SLC41A3: variants seen among roughly 807,000 people sequenced by gnomAD.
SLC41A3 encodes the protein SLC41A1-like 2.
Under a neutral mutation model 45.4 loss-of-function variants are expected in SLC41A3, and 44 were observed. That is an observed-to-expected ratio of 0.97 (90% CI 0.76 to 1.25). The LOEUF (loss-of-function observed/expected upper bound fraction) is 1.25, where lower values mean the gene tolerates loss of function less well. SLC41A3 is among the 50% of genes most tolerant of loss of function. The pLI, the probability that SLC41A3 is intolerant of heterozygous loss-of-function variation, is 0.00. For missense variants in SLC41A3, 550 were observed against 600.6 expected, an observed-to-expected ratio of 0.92 and a Z score of 0.88; for synonymous variants, 256 against 252.4, an observed-to-expected ratio of 1.01 and a Z score of -0.13.
In SLC41A3 at chr3:126,007,227, T is replaced by C; in HGVS notation, c.1255-2A>G. On this transcript the variant is annotated splice_acceptor_variant, in intron 10 of 10. Coordinates refer to ENST00000360370, the MANE Select transcript of SLC41A3 (RefSeq NM_017836.4). LOFTEE classifies it high-confidence loss of function. The stretch of plus-strand genomic sequence containing the variant: ...TGCGAGGTACAGCAGGATTGTCACC[T>C]GTCAGAAGGGCAAAGAGACACAAAA... 1 of 1,613,598 alleles carries C rather than the reference T, an allele frequency of 6.2e-7. No individual in the cohort carries two copies. The highest frequency in any genetic ancestry group is 1.7e-5 in the Admixed American group (1 of 59,960).
Position 126,026,482 on chromosome 3 carries a change from G to A in SLC41A3, c.454-3C>T. 1 of 1,599,922 alleles carries A rather than the reference G, an allele frequency of 6.3e-7. No individual in the cohort carries two copies. The highest frequency in any genetic ancestry group is 2.2e-5 in the East Asian group (1 of 44,500). On this transcript the variant is annotated splice_polypyrimidine_tract_variant and splice_region_variant and intron_variant, in intron 4 of 10. Transcript: ENST00000360370. This position sits in a 1 kb window ranked among gnomAD's most constrained non-coding sequence, Gnocchi z 4.2. ...AGCCCCACGACAGTGGCCTGCACCT[G>A]TTGGACAGAAATCAGAAGCATGAAG...
intron 9 of SLC41A3, among the ~76,000 whole-genome samples, chr3:126,011,648 T>C (rs1939724495): frequency 6.6e-6 from 1 of 152,022 alleles, no homozygotes; most frequent in Non-Finnish European, 1.5e-5. Flanking sequence ...ATAATCCAAC[T>C]CCTAGAAACT....
At chr3:126,090,807 C>T (rs972477609) in intron 1 of SLC41A3, among the ~76,000 whole-genome samples, 1 of 152,150 alleles carries the variant, frequency 6.6e-6, no homozygotes, top group Non-Finnish European at 1.5e-5. Flanking sequence ...AAGAGTGGGG[C>T]ATGTGAGATT....
intron 6 of SLC41A3, among the ~76,000 whole-genome samples, chr3:126,020,142 C>T (rs963423131): frequency 1.3e-5 from 2 of 152,164 alleles, no homozygotes; most frequent in Non-Finnish European, 2.9e-5. Context: ...GGAGCGGCAG[C>T]ATGAGCTGCA....
rs1944433816 is a variant in SLC41A3, at chr3:126,067,958, C to T, written c.262G>A (p.Asp88Asn). The change falls in exon 2 of 11, where the codon GAC becomes AAC. Residue 88 changes from aspartate to asparagine, a missense_variant. Asp to Asn is a conservative substitution (Grantham distance 23). Transcript: ENST00000360370. ...TAGTTCCCTCTTACCTGGAAATAGTCCAGAAGCATGCCGGCCCAGGACAGT... is the reference window on the plus strand; with the variant it reads ...TAGTTCCCTCTTACCTGGAAATAGTTCAGAAGCATGCCGGCCCAGGACAGT... ...LGLSWAGMLLDYFQHWPVFVE... is the reference protein window; with the variant it reads ...LGLSWAGMLLNYFQHWPVFVE... The T allele has an allele frequency of 6.2e-6, 10 of 1,604,002 alleles. No homozygotes were observed. The highest frequency in any genetic ancestry group is 3.3e-4 in the Middle Eastern group (2 of 5,994).
At chr3:126,066,819 G>C (rs949277641) in intron 2 of SLC41A3, among the ~76,000 whole-genome samples, 1 of 152,174 alleles carries the variant, frequency 6.6e-6, no homozygotes, top group Non-Finnish European at 1.5e-5. Context: ...TAAATAGCTT[G>C]TTTACTCATG....
intron 1 of SLC41A3, among the ~76,000 whole-genome samples, chr3:126,098,171 A>C (rs1469001095): frequency 6.6e-6 from 1 of 152,238 alleles, no homozygotes; most frequent in Non-Finnish European, 1.5e-5. Flanking sequence ...GCTAGCCCCC[A>C]ATGTGACTCT....
At chr3:126,029,513 C>G (rs985546743) in intron 4 of SLC41A3, among the ~76,000 whole-genome samples, 13 of 152,180 alleles carry the variant, frequency 8.5e-5, no homozygotes, top group Admixed American at 7.9e-4. Flanking sequence ...CCTGTGGAAC[C>G]ATAAGCCAAT....
intron 1 of SLC41A3, among the ~76,000 whole-genome samples, chr3:126,097,046 C>T (rs1007791672): frequency 6.6e-6 from 1 of 152,174 alleles, no homozygotes; most frequent in Non-Finnish European, 1.5e-5. Flanking sequence ...TTGGAAGAGA[C>T]CCGAGCAAGC....
intron 1 of SLC41A3, among the ~76,000 whole-genome samples, chr3:126,081,694 G>T (rs550222307): frequency 6.6e-6 from 1 of 152,240 alleles, no homozygotes; most frequent in African/African-American, 2.4e-5. Context: ...CCACCACTAG[G>T]GCAAGGGGTG....
intron 1 of SLC41A3, among the ~76,000 whole-genome samples, chr3:126,069,614 C>T (rs1944522949): frequency 1.3e-5 from 2 of 151,682 alleles, no homozygotes; most frequent in East Asian, 1.9e-4. Flanking sequence ...GAAAGTATGG[C>T]CCATTAAAAA....
intron 3 of SLC41A3, among the ~76,000 whole-genome samples, chr3:126,047,689 C>T (rs1359619023): frequency 2.0e-5 from 3 of 152,158 alleles, no homozygotes; most frequent in Non-Finnish European, 4.4e-5. Context: ...GAAATATCCA[C>T]ATGCAAAAGA....
chr3:126,079,721 T>C (rs1254429053), intron 1 of SLC41A3, among the ~76,000 whole-genome samples: 4 of 152,166 alleles, frequency 2.6e-5, no homozygotes, highest in African/African-American at 4.8e-5. Context: ...TTCACAGAAA[T>C]AGAAAAAACA....
At chr3:126,076,637 A>G (rs1944891411) in intron 1 of SLC41A3, among the ~76,000 whole-genome samples, 1 of 152,216 alleles carries the variant, frequency 6.6e-6, no homozygotes, top group Non-Finnish European at 1.5e-5. Flanking sequence ...TTCAAGAAGC[A>G]AAGCATGACC....
intron 1 of SLC41A3, among the ~76,000 whole-genome samples, chr3:126,090,574 C>A (rs1442713639): frequency 6.6e-6 from 1 of 152,092 alleles, no homozygotes; most frequent in African/African-American, 2.4e-5. Flanking sequence ...GAATAGGCTC[C>A]TTTTTCTGTT....
At chr3:126,090,028 C>CTTTTTTTT (rs59737864) in intron 1 of SLC41A3, among the ~76,000 whole-genome samples, 25 of 99,316 alleles carry the variant, frequency 2.5e-4, no homozygotes, top group South Asian at 4.1e-4. Context: ...TCAAGAAAAT[C>CTTTTTTTT]TTTTTTTTTT....
At chr3:126,057,398 T>C (rs562931854) in intron 2 of SLC41A3, among the ~76,000 whole-genome samples, 1 of 152,334 alleles carries the variant, frequency 6.6e-6, no homozygotes, top group Admixed American at 6.5e-5. Flanking sequence ...CACCTCTGAC[T>C]CCTGGGGTTC....
chr3:126,066,025 A>G (rs1024382137), intron 2 of SLC41A3, among the ~76,000 whole-genome samples: 1 of 152,104 alleles, frequency 6.6e-6, no homozygotes, highest in Non-Finnish European at 1.5e-5. Flanking sequence ...CTTTTAGCCA[A>G]TTGCTTCCCC....
At chr3:126,035,483 G>A (rs1376372312) in intron 3 of SLC41A3, among the ~76,000 whole-genome samples, 2 of 152,190 alleles carry the variant, frequency 1.3e-5, no homozygotes, top group African/African-American at 2.4e-5. Context: ...CAATCCTGAC[G>A]CTTGTCAAAA....
Sources: gnomAD v4.1 joint callset for allele counts (sites outside exome capture counted in the v4.1 genomes callset) on GRCh38, gnomAD v4.1.1 for gene constraint, Gnocchi (gnomAD v3.1) non-coding constraint, MANE v1.5 for transcripts, NCBI Gene and HGNC (gene_info 2026-07-23, HGNC 2026-07-21) for gene names.